CFAP45: variants seen among roughly 807,000 people sequenced by gnomAD.
The protein encoded by CFAP45 is cilia- and flagella-associated protein 45.
A neutral mutation model predicts 75.6 loss-of-function variants in CFAP45; 43 were observed. The ratio of observed to expected loss-of-function variants is 0.57; its 90% CI spans 0.45 to 0.73. CFAP45 has a LOEUF of 0.73. Among genes scored for constraint, CFAP45 ranks in the 30% least tolerant of loss-of-function variants. The pLI is 0.00. For synonymous variants in CFAP45, 223 were observed against 244.6 expected, an observed-to-expected ratio of 0.91 and a Z score of 0.82; for missense variants, 689 against 701.5, an observed-to-expected ratio of 0.98 and a Z score of 0.20.
intron 8 of CFAP45, among the ~76,000 whole-genome samples, chr1:159,879,603 T>C (rs929970425): frequency 6.6e-6 from 1 of 152,204 alleles, no homozygotes; most frequent in South Asian, 2.1e-4. Flanking sequence ...GCATTCTCAC[T>C]CTATTGCTTG....
At position 159,873,006 on chromosome 1, in the gene CFAP45, C is replaced by G. The variant is rs1240590167; in HGVS notation, c.1515G>C (p.Glu505Asp). The change falls in exon 11 of 12, where the codon GAG becomes GAC. Residue 505 changes from glutamate to aspartate, a missense_variant. Coordinates refer to ENST00000368099, the MANE Select transcript of CFAP45 (RefSeq NM_012337.3). ...ATFEEGRRLK[E>D]EAQKRRERID... ...TGCGCTCACGGCGTTTCTGGGCCTC[C>G]TCTTTGAGGCGCCGGCCCTCCTCAA... The G allele has an allele frequency of 6.2e-7, 1 of 1,614,262 alleles. No homozygotes were observed. The highest frequency in any genetic ancestry group is 8.5e-7 in the Non-Finnish European group (1 of 1,180,054).
At chr1:159,879,320 A>C (rs758929932) in intron 8 of CFAP45, among the ~76,000 whole-genome samples, 2 of 152,196 alleles carry the variant, frequency 1.3e-5, no homozygotes, top group African/African-American at 2.4e-5. Flanking sequence ...GAATTAGCTC[A>C]TCATCCCCAC....
chr1:159,873,462 AT>A (rs1649327677), intron 10 of CFAP45: 2 of 440,174 alleles, frequency 4.5e-6, no homozygotes, highest in Admixed American at 7.5e-5. Context: ...CTGTTTTGAA[AT>A]TCTTAATAAT....
intron 7 of CFAP45, 31 bp downstream of exon 7, chr1:159,884,405 G>A: frequency 6.3e-7 from 1 of 1,577,554 alleles, no homozygotes; most frequent in South Asian, 1.2e-5. Flanking sequence ...TGCAGCTGGT[G>A]AAACGTGGCA....
intron 4 of CFAP45, 74 bp from the exon 5 acceptor site, chr1:159,888,085 A>C: frequency 1.3e-6 from 2 of 1,511,654 alleles, no homozygotes; most frequent in Non-Finnish European, 1.8e-6. Context: ...CCTGGCTACC[A>C]CAGGTGACCC....
intron 5 of CFAP45, among the ~76,000 whole-genome samples, chr1:159,887,174 C>T (rs921469993): frequency 7.2e-5 from 11 of 151,930 alleles, no homozygotes; most frequent in African/African-American, 2.4e-4. Flanking sequence ...CTGGAAGAGC[C>T]CAACATGACA....
chr1:159,895,632 G>A (rs940672935), intron 1 of CFAP45, among the ~76,000 whole-genome samples: 3 of 152,240 alleles, frequency 2.0e-5, no homozygotes, highest in African/African-American at 7.2e-5. Flanking sequence ...CCCCAATACT[G>A]TAGAGCAGAA....
chr1:159,898,376 A>C (rs1292099569), intron 1 of CFAP45: 1 of 241,678 alleles, frequency 4.1e-6, no homozygotes, highest in African/African-American at 2.3e-5. Context: ...AAGTCTGCCT[A>C]ATTGTGACCC....
intron 9 of CFAP45, 61 bp from the exon 10 acceptor site, chr1:159,876,810 G>T (rs771405000): frequency 3.9e-6 from 6 of 1,550,686 alleles, no homozygotes; most frequent in Non-Finnish European, 5.3e-6. Context: ...AGACCAAGTG[G>T]CTTTAAGAAG....
At chr1:159,878,047 G>A (rs976126034) in intron 8 of CFAP45, among the ~76,000 whole-genome samples, 5 of 152,268 alleles carry the variant, frequency 3.3e-5, no homozygotes, top group Admixed American at 6.5e-5. Flanking sequence ...ATGAGGAAAC[G>A]GATGGTCAGA....
At position 159,888,437 on chromosome 1, in the gene CFAP45, C is replaced by G. The variant is rs201664440; in HGVS notation, c.332G>C (p.Arg111Pro). Residue 111 changes from arginine to proline, a missense_variant, in exon 4 of 12, where the codon CGA (arginine) becomes CCA (proline). Arg to Pro is a moderately radical substitution (Grantham distance 103). Coordinates refer to ENST00000368099, the MANE Select transcript of CFAP45 (RefSeq NM_012337.3). Reference sequence around the variant, plus strand: ...CAGGACATGGGATGCCCATTTGATTCGCTCAAACTCCTCAGGGCTGATGAT... The same window carrying G: ...CAGGACATGGGATGCCCATTTGATTGGCTCAAACTCCTCAGGGCTGATGAT... ...SLIISPEEFE[R>P]IKWASHVLTR... The G allele has an allele frequency of 6.2e-7, 1 of 1,605,622 alleles. No individual in the cohort carries two copies. Among genetic ancestry groups the G allele is most frequent in the Non-Finnish European group, 8.5e-7 (1 of 1,173,572 alleles).
At chr1:159,877,271 G>A in intron 9 of CFAP45, 78 bp downstream of exon 9, 1 of 1,013,148 alleles carries the variant, frequency 9.9e-7, no homozygotes, top group Non-Finnish European at 1.6e-6. Context: ...CACCCTCAAG[G>A]CCATTCTACA....
chr1:159,889,682 C>T (rs538179510), intron 3 of CFAP45, among the ~76,000 whole-genome samples: 1 of 152,330 alleles, frequency 6.6e-6, no homozygotes, highest in African/African-American at 2.4e-5. Context: ...AGGGCTCTAG[C>T]CACATCTGGC....
intron 2 of CFAP45, 135 bp from the exon 3 acceptor site, chr1:159,890,757 CTTTTT>C: frequency 4.7e-4 from 151 of 319,096 alleles, no homozygotes; most frequent in Middle Eastern, 9.8e-4. Flanking sequence ...CTTTTCTTTT[CTTTTT>C]TTTTTTTTTT....
At chr1:159,874,528 T>G (rs1649356196) in intron 10 of CFAP45, among the ~76,000 whole-genome samples, 1 of 152,230 alleles carries the variant, frequency 6.6e-6, no homozygotes, top group Non-Finnish European at 1.5e-5. Context: ...GGGACTCTCC[T>G]CTTTGCCTTG....
intron 1 of CFAP45, among the ~76,000 whole-genome samples, chr1:159,896,555 C>T (rs1032429786): frequency 7.2e-5 from 11 of 152,176 alleles, no homozygotes; most frequent in Non-Finnish European, 1.0e-4. Flanking sequence ...GAGGCAATAG[C>T]GAAGAAGTTC....
rs115344670 is a variant in CFAP45 at position 159,876,586 on chromosome 1, C to G, written c.1322G>C (p.Arg441Pro). The change falls in exon 10 of 12, where the codon CGG (arginine) becomes CCG (proline). Residue 441 changes from arginine to proline, a missense_variant. Physicochemically the swap from Arg to Pro is moderately radical, Grantham distance 103. Transcript: ENST00000368099. ...KEHALAVQVQRDRDEFERILR... is the reference protein window; with the variant it reads ...KEHALAVQVQPDRDEFERILR... The stretch of plus-strand genomic sequence containing the variant: ...AATCCTCTCGAACTCATCCCGGTCC[C>G]GTTGCACCTGAACAGCCAGAGCGTG... 3.7e-6 allele frequency: 6 copies of G among 1,613,986 alleles called. No homozygotes were observed. The highest frequency in any genetic ancestry group is 3.3e-5 in the Admixed American group (2 of 60,008).
At chr1:159,887,404 A>G (rs1649714786) in intron 5 of CFAP45, among the ~76,000 whole-genome samples, 1 of 152,200 alleles carries the variant, frequency 6.6e-6, no homozygotes, top group South Asian at 2.1e-4. Flanking sequence ...CTCTCAGCCA[A>G]AGGAAAAGCT....
chr1:159,879,649 A>C (rs549713086), intron 8 of CFAP45, among the ~76,000 whole-genome samples: 3 of 152,310 alleles, frequency 2.0e-5, no homozygotes, highest in Admixed American at 2.0e-4. Context: ...AGAATACTAA[A>C]GCCAATAAGT....
Sources: allele counts gnomAD v4.1 joint callset (sites outside exome capture counted in the v4.1 genomes callset), GRCh38; gene constraint gnomAD v4.1.1; transcripts MANE v1.5; gene names NCBI Gene and HGNC (gene_info 2026-07-23, HGNC 2026-07-21).